The following CFAP54 variants were observed in gnomAD, a reference collection of about 807,000 sequenced individuals.
CFAP54 encodes cilia- and flagella-associated protein 54.
In CFAP54, 290 loss-of-function variants were observed where a neutral mutation model predicts 370.4. The ratio of observed to expected loss-of-function variants is 0.78; its 90% CI spans 0.71 to 0.86. The LOEUF (loss-of-function observed/expected upper bound fraction) is 0.86, where lower values mean the gene tolerates loss of function less well. CFAP54 is among the 40% of genes least tolerant of loss of function. The pLI is 0.00. For synonymous variants in CFAP54, 1,206 were observed against 1,236.5 expected (o/e 0.98, Z 0.52); for missense variants, 3,399 against 3,528.7 (o/e 0.96, Z 0.93).
intron 9 of CFAP54, among the ~76,000 whole-genome samples, chr12:96,528,538 A>C (rs912112920): frequency 7.9e-5 from 12 of 152,108 alleles, no homozygotes; most frequent in African/African-American, 2.9e-4. Flanking sequence ...CTACATGTTT[A>C]GTTGAATTTT....
At chr12:96,856,991 C>G (rs1193976402) in intron 66 of CFAP54, among the ~76,000 whole-genome samples, 3 of 152,186 alleles carry the variant, frequency 2.0e-5, no homozygotes, top group African/African-American at 7.2e-5. Flanking sequence ...AGGAAACTTA[C>G]AATCATGGTG....
chr12:96,668,223 A>G (rs764705119), intron 39 of CFAP54, among the ~76,000 whole-genome samples: 5 of 151,916 alleles, frequency 3.3e-5, no homozygotes, highest in East Asian at 3.9e-4. Flanking sequence ...AACTGTTCCA[A>G]CCTCTGCCTG....
At chr12:96,685,638 G>A (rs561147476) in intron 42 of CFAP54, among the ~76,000 whole-genome samples, 16 of 151,926 alleles carry the variant, frequency 1.1e-4, no homozygotes, top group South Asian at 8.4e-4. Flanking sequence ...TGCAACCTCC[G>A]TCTCCTGGGT....
chr12:96,687,268 GTTGCCCTGTAAGGTCACATA>G (rs1957340019), intron 42 of CFAP54, among the ~76,000 whole-genome samples: 2 of 152,128 alleles, frequency 1.3e-5, no homozygotes, highest in African/African-American at 4.8e-5. Context: ...CGAAGACTTT[GTTGCCCTGTAAGGTCACATA>G]TTCATAGGTT....
rs1304620020 is a variant in CFAP54, at chr12:96,658,214, G to C, written c.5328G>C (p.Glu1776Asp). Residue 1776 changes from glutamate (E) to aspartate (D), a missense_variant, in exon 38 of 68, where the codon GAG becomes GAC. Transcript: ENST00000524981. ...TGTATTCTTTACCCCTGTCTAGTGAGAGGTATACAGAACAAGTGACACCAC... is the reference window on the plus strand; with the variant it reads ...TGTATTCTTTACCCCTGTCTAGTGACAGGTATACAGAACAAGTGACACCAC... ...LAIQFNTVSH[E>D]RYTEQVTPLL... 1 of 1,613,706 alleles carries C rather than the reference G, an allele frequency of 6.2e-7. No homozygotes were observed. Among genetic ancestry groups the C allele is most frequent in the Admixed American group, 1.7e-5 (1 of 59,916 alleles).
rs572868871 is a variant in CFAP54 at position 96,534,055 on chromosome 12, C to T, written c.1540-7C>T. The T allele has an allele frequency of 1.3e-6, 2 of 1,512,674 alleles. No homozygotes were observed. Among genetic ancestry groups the T allele is most frequent in the East Asian group, 2.5e-5 (1 of 40,624 alleles). 93.7% of individuals were successfully genotyped at this position (1,512,674 alleles called of 1,614,324 possible). On this transcript the variant is annotated splice_region_variant and splice_polypyrimidine_tract_variant and intron_variant, in intron 10 of 67. Coordinates refer to ENST00000524981, the MANE Select transcript of CFAP54 (RefSeq NM_001306084.2). The stretch of plus-strand genomic sequence containing the variant: ...ACTAATTAACGTGTGGGATATACTT[C>T]CCCAAGAGGCAGGATGATCCAGAGT...
intron 60 of CFAP54, among the ~76,000 whole-genome samples, chr12:96,772,689 G>A (rs1053389737): frequency 2.0e-5 from 3 of 150,454 alleles, no homozygotes; most frequent in Non-Finnish European, 2.9e-5. Flanking sequence ...GAATAATCTC[G>A]GCTCACTGCA....
At chr12:96,626,622 G>A (rs1258689400) in intron 29 of CFAP54, among the ~76,000 whole-genome samples, 191 bp from the exon 30 acceptor site, 1 of 151,952 alleles carries the variant, frequency 6.6e-6, no homozygotes, top group East Asian at 1.9e-4. Context: ...AGACTGTAAA[G>A]GATTCATTGA....
intron 60 of CFAP54, among the ~76,000 whole-genome samples, chr12:96,784,292 G>C (rs1443780828): frequency 6.6e-6 from 1 of 152,034 alleles, no homozygotes; most frequent in East Asian, 1.9e-4. Context: ...GTGTCTATCA[G>C]TTCCTAAGGG....
intron 48 of CFAP54, among the ~76,000 whole-genome samples, chr12:96,717,065 A>G (rs770345748): frequency 3.3e-5 from 5 of 152,306 alleles, no homozygotes; most frequent in East Asian, 3.9e-4. Context: ...TGGATGGCCT[A>G]TCTGTCTAGC....
intron 33 of CFAP54, chr12:96,646,825 T>C (rs1199883106): frequency 1.3e-5 from 2 of 152,144 alleles, no homozygotes; most frequent in African/African-American, 2.4e-5. Context: ...AGCTGGAAAC[T>C]ATCATTCTCA....
At chr12:96,530,788 C>T (rs958395748) in intron 9 of CFAP54, among the ~76,000 whole-genome samples, 1 of 152,152 alleles carries the variant, frequency 6.6e-6, no homozygotes, top group African/African-American at 2.4e-5. Flanking sequence ...TACTATATTT[C>T]CACCAGCAAT....
At chr12:96,791,176 G>A (rs1958688392) in intron 62 of CFAP54, among the ~76,000 whole-genome samples, 1 of 149,086 alleles carries the variant, frequency 6.7e-6, no homozygotes, top group Admixed American at 6.7e-5. Context: ...GCACTTCATT[G>A]AAGAACGCTT....
chr12:96,824,504 C>A (rs1959065008), intron 65 of CFAP54, among the ~76,000 whole-genome samples: 1 of 152,050 alleles, frequency 6.6e-6, no homozygotes, highest in Non-Finnish European at 1.5e-5. Flanking sequence ...TTTATTTAGA[C>A]AGAAAGCATA....
intron 11 of CFAP54, 118 bp downstream of exon 11, chr12:96,534,345 CA>C: frequency 1.6e-6 from 1 of 618,488 alleles, no homozygotes; most frequent in Non-Finnish European, 2.7e-6. Context: ...GGCCCTGAGA[CA>C]AGAGTGTGTT....
intron 60 of CFAP54, among the ~76,000 whole-genome samples, chr12:96,777,132 T>C (rs1270786126): frequency 6.6e-6 from 1 of 152,006 alleles, no homozygotes. Flanking sequence ...TCAGTAAAAA[T>C]GGCAGTCCAT....
chr12:96,773,653 A>G (rs1958486218), intron 60 of CFAP54, among the ~76,000 whole-genome samples: 1 of 152,254 alleles, frequency 6.6e-6, no homozygotes, highest in African/African-American at 2.4e-5. Context: ...CTTTAAATTA[A>G]TATAAATGTA....
At chr12:96,788,468 G>A (rs1275394307) in intron 62 of CFAP54, among the ~76,000 whole-genome samples, 2 of 152,004 alleles carry the variant, frequency 1.3e-5, no homozygotes, top group Non-Finnish European at 2.9e-5. Flanking sequence ...CTCTACTTTG[G>A]ACTTTACCAT....
intron 33 of CFAP54, among the ~76,000 whole-genome samples, chr12:96,644,821 C>G (rs1956771448): frequency 6.6e-6 from 1 of 152,098 alleles, no homozygotes; most frequent in Non-Finnish European, 1.5e-5. Flanking sequence ...CTGGTCCTGC[C>G]CTTGACACGT....
Sources: gnomAD v4.1 joint callset for allele counts (sites outside exome capture counted in the v4.1 genomes callset) on GRCh38, gnomAD v4.1.1 for gene constraint, MANE v1.5 for transcripts, NCBI Gene and HGNC (gene_info 2026-07-23, HGNC 2026-07-21) for gene names.